RALGAPA2: variants seen among roughly 807,000 people sequenced by gnomAD.
RALGAPA2 encodes the protein Ral GTPase activating protein catalytic subunit alpha 2.
RALGAPA2 carries 139 observed loss-of-function variants against 230.4 expected under a neutral mutation model. The observed-to-expected ratio is 0.60, with a 90% confidence interval of 0.53 to 0.69. The LOEUF (loss-of-function observed/expected upper bound fraction) is 0.69, where lower values mean the gene tolerates loss of function less well. Ranked by LOEUF, RALGAPA2 falls within the 30% of genes least tolerant of loss-of-function variation. The pLI is 0.00. For synonymous variants in RALGAPA2, 847 were observed against 837.8 expected, an observed-to-expected ratio of 1.01 and a Z score of -0.19; for missense variants, 2,163 against 2,276.0, an observed-to-expected ratio of 0.95 and a Z score of 1.01.
chr20:20,413,853 C>T (rs548094090), intron 37 of RALGAPA2, among the ~76,000 whole-genome samples: 1 of 152,362 alleles, frequency 6.6e-6, no homozygotes, highest in South Asian at 2.1e-4. Context: ...GTGGGCTGAA[C>T]TCCTGGTGAC....
At chr20:20,568,877 ATTAT>A (rs1251800043) in intron 23 of RALGAPA2, among the ~76,000 whole-genome samples, 1 of 152,226 alleles carries the variant, frequency 6.6e-6, no homozygotes, top group Non-Finnish European at 1.5e-5. Context: ...ATTATTTATG[ATTAT>A]TTATTTAAAA....
intron 9 of RALGAPA2, among the ~76,000 whole-genome samples, chr20:20,631,669 C>G (rs978488063): frequency 6.6e-6 from 1 of 152,198 alleles, no homozygotes; most frequent in African/African-American, 2.4e-5. Context: ...GGATTTCTGA[C>G]TTTCAGAACT....
intron 7 of RALGAPA2, 132 bp downstream of exon 7, chr20:20,639,652 GA>G: frequency 1.5e-6 from 1 of 660,124 alleles, no homozygotes; most frequent in Non-Finnish European, 2.6e-6. Flanking sequence ...TGCATTTGCT[GA>G]AATATCACAT....
intron 16 of RALGAPA2, among the ~76,000 whole-genome samples, chr20:20,597,792 T>C (rs1347936872): frequency 6.6e-6 from 1 of 152,030 alleles, no homozygotes; most frequent in African/African-American, 2.4e-5. Context: ...TGAGCCGAGA[T>C]CATGCCACTG....
intron 1 of RALGAPA2, among the ~76,000 whole-genome samples, chr20:20,687,230 T>C (rs1195091807): frequency 6.6e-6 from 1 of 152,114 alleles, no homozygotes; most frequent in Non-Finnish European, 1.5e-5. Context: ...AGGAAAATAA[T>C]GAAGTGCAAA....
intron 36 of RALGAPA2, among the ~76,000 whole-genome samples, 192 bp downstream of exon 36, chr20:20,494,925 A>G (rs2062160881): frequency 1.3e-5 from 2 of 152,248 alleles, no homozygotes; most frequent in African/African-American, 2.4e-5. Flanking sequence ...TTTTGTGCTC[A>G]TGATGAAAAA....
intron 27 of RALGAPA2, among the ~76,000 whole-genome samples, chr20:20,529,831 T>G (rs2063322557): frequency 6.6e-6 from 1 of 152,222 alleles, no homozygotes; most frequent in African/African-American, 2.4e-5. Flanking sequence ...CGTGACTCTG[T>G]GTGTCTGTGT....
chr20:20,670,087 TC>T (rs1231176807), intron 3 of RALGAPA2, among the ~76,000 whole-genome samples: 1 of 152,248 alleles, frequency 6.6e-6, no homozygotes, highest in Admixed American at 6.5e-5. Context: ...ACCAGTAGAC[TC>T]TTCCGCTCAC....
chr20:20,403,601 C>CCAA (rs1602268107), intron 38 of RALGAPA2, among the ~76,000 whole-genome samples: 1 of 152,238 alleles, frequency 6.6e-6, no homozygotes, highest in East Asian at 1.9e-4. Context: ...CGACTGTCAC[C>CCAA]CTGGTCCGGA....
intron 36 of RALGAPA2, among the ~76,000 whole-genome samples, chr20:20,478,089 G>T (rs966216046): frequency 2.6e-5 from 4 of 152,076 alleles, no homozygotes; most frequent in Non-Finnish European, 5.9e-5. Context: ...AAAAGCTATT[G>T]ACAACAAACA....
intron 20 of RALGAPA2, among the ~76,000 whole-genome samples, chr20:20,576,854 T>C (rs2064835258): frequency 6.6e-6 from 1 of 152,154 alleles, no homozygotes; most frequent in Non-Finnish European, 1.5e-5. Flanking sequence ...CTCCAACATT[T>C]TTTCTTGATC....
At chr20:20,534,154 A>T (rs966857889) in intron 26 of RALGAPA2, among the ~76,000 whole-genome samples, 2 of 152,146 alleles carry the variant, frequency 1.3e-5, no homozygotes, top group Admixed American at 6.5e-5. Context: ...GATAAAAGAT[A>T]ATAGAGATGG....
intron 37 of RALGAPA2, among the ~76,000 whole-genome samples, chr20:20,465,200 C>G (rs1482551125): frequency 6.6e-6 from 1 of 151,212 alleles, no homozygotes; most frequent in African/African-American, 2.4e-5. Context: ...CACACACACT[C>G]TCTCATACTA....
intron 13 of RALGAPA2, among the ~76,000 whole-genome samples, 179 bp from the exon 14 acceptor site, chr20:20,611,605 CTTATG>C (rs559333355): frequency 2.0e-3 from 309 of 152,310 alleles, no homozygotes; most frequent in Non-Finnish European, 3.6e-3. Context: ...AATAAGCTCC[CTTATG>C]TTATAACAGT....
intron 30 of RALGAPA2, among the ~76,000 whole-genome samples, chr20:20,523,451 G>C (rs1359222097): frequency 6.6e-6 from 1 of 152,022 alleles, no homozygotes; most frequent in African/African-American, 2.4e-5. Context: ...TTCTTCCTTT[G>C]ATAAACAGAT....
chr20:20,653,668 G>T (rs889523535), intron 3 of RALGAPA2, 81 bp from the exon 4 acceptor site: 2 of 793,696 alleles, frequency 2.5e-6, no homozygotes, highest in African/African-American at 3.5e-5. Flanking sequence ...CTCACTGTAG[G>T]TAAGTTCTAG....
intron 20 of RALGAPA2, among the ~76,000 whole-genome samples, chr20:20,579,409 T>G (rs2064917683): frequency 1.3e-5 from 2 of 152,132 alleles, no homozygotes; most frequent in Admixed American, 1.3e-4. Flanking sequence ...GAGAAAGACC[T>G]TGGAATCTCC....
Position 20,680,705 on chromosome 20 carries a change from CTA to C in RALGAPA2, c.201_202del (p.Asn67LysfsTer8). ...GAAATGCTTACCTTTTAATTTCAAA[CTA>C]TTTTCCAGTGCTATAAAATTTTCAT... On this transcript the variant is annotated frameshift_variant, in exon 2 of 40. Coordinates refer to ENST00000202677, the MANE Select transcript of RALGAPA2 (RefSeq NM_020343.4). LOFTEE classifies it high-confidence loss of function. 6.4e-7 allele frequency: 1 copy of C among 1,554,584 alleles called. No homozygotes were observed. The highest frequency in any genetic ancestry group is 1.2e-5 in the South Asian group (1 of 80,502).
chr20:20,483,494 C>T (rs1442802373), intron 36 of RALGAPA2, among the ~76,000 whole-genome samples: 1 of 152,114 alleles, frequency 6.6e-6, no homozygotes, highest in Admixed American at 6.5e-5. Context: ...AGAAGCTTGG[C>T]CCCAGCTGCT....
Sources: gnomAD v4.1 joint callset for allele counts (sites outside exome capture counted in the v4.1 genomes callset) on GRCh38, gnomAD v4.1.1 for gene constraint, MANE v1.5 for transcripts, NCBI Gene and HGNC (gene_info 2026-07-23, HGNC 2026-07-21) for gene names.